STXBP5L: variants seen among roughly 807,000 people sequenced by gnomAD.
STXBP5L encodes syntaxin-binding protein 5-like.
In STXBP5L, 65 loss-of-function variants were observed where a neutral mutation model predicts 144.5. That is an observed-to-expected ratio of 0.45 (90% CI 0.37 to 0.55). STXBP5L has a LOEUF of 0.55. Ranked by LOEUF, STXBP5L falls within the 20% of genes least tolerant of loss-of-function variation. The probability of loss-of-function intolerance (pLI) is 0.00; values close to 1 mark genes in which losing one functional copy is unlikely to be tolerated. For missense variants in STXBP5L, 1,298 were observed against 1,405.5 expected, an observed-to-expected ratio of 0.92 and a Z score of 1.22; for synonymous variants, 505 against 469.6, an observed-to-expected ratio of 1.08 and a Z score of -0.97.
rs575102875 is a variant in STXBP5L, at chr3:121,114,875, T to C, written c.471-50T>C. 2.1e-5 allele frequency: 28 copies of C among 1,313,130 alleles called. No individual in the cohort carries two copies. In the African/African-American group the frequency reaches 2.7e-4, roughly 13 times the overall value. The allele number at this position is 1,313,130 out of a possible 1,614,324, so 81.3% of individuals were successfully genotyped here. A position where few individuals can be genotyped will look rare whatever the true frequency, so the allele number is the denominator to read the frequency against. On this transcript the variant is annotated intron_variant, in intron 5 of 26. Coordinates refer to ENST00000471454, the MANE Select transcript of STXBP5L (RefSeq NM_001308330.2). ...AATACATGTAAGGAAAATATAATGC[T>C]GACCAAATGTAAAATTTAGATATTT...
At chr3:121,220,297 T>C (rs1446143535) in intron 10 of STXBP5L, among the ~76,000 whole-genome samples, 1 of 152,154 alleles carries the variant, frequency 6.6e-6, no homozygotes, top group Admixed American at 6.6e-5. Context: ...TATGTATCCA[T>C]AATTTGTTAT....
At chr3:121,114,850 A>G (rs1483507478) in intron 5 of STXBP5L, 75 bp from the exon 6 acceptor site, 14 of 1,036,066 alleles carry the variant, frequency 1.4e-5, no homozygotes, top group African/African-American at 1.7e-5. Flanking sequence ...ATCACTACAT[A>G]ATACATGTAA....
At chr3:121,011,340 T>C (rs888374741) in intron 3 of STXBP5L, among the ~76,000 whole-genome samples, 5 of 151,576 alleles carry the variant, frequency 3.3e-5, no homozygotes, top group South Asian at 2.1e-4. Context: ...CAGTATGGTC[T>C]CCTGGTTGTT....
chr3:121,039,220 AT>A (rs1347198144), intron 3 of STXBP5L, among the ~76,000 whole-genome samples: 4 of 151,684 alleles, frequency 2.6e-5, no homozygotes, highest in Non-Finnish European at 5.9e-5. Flanking sequence ...CTTTTTAATG[AT>A]TTCATTTTGT....
At chr3:121,093,401 C>T (rs1392307652) in intron 5 of STXBP5L, among the ~76,000 whole-genome samples, 3 of 152,122 alleles carry the variant, frequency 2.0e-5, no homozygotes, top group Non-Finnish European at 4.4e-5. Context: ...CCATCTGGTC[C>T]TGGACTCTTT....
chr3:121,054,292 G>C (rs563220400), intron 5 of STXBP5L, among the ~76,000 whole-genome samples: 15 of 152,058 alleles, frequency 9.9e-5, no homozygotes, highest in Non-Finnish European at 1.8e-4. Context: ...ACATGTGCAC[G>C]AATGTTTATT....
intron 2 of STXBP5L, among the ~76,000 whole-genome samples, chr3:120,953,615 G>A (rs532908411): frequency 4.6e-5 from 7 of 150,986 alleles, no homozygotes; most frequent in African/African-American, 1.5e-4. Context: ...TGATATTACA[G>A]ACATGGGCCA....
chr3:120,961,286 T>C (rs1439994093), intron 3 of STXBP5L, among the ~76,000 whole-genome samples: 1 of 151,012 alleles, frequency 6.6e-6, no homozygotes, highest in Non-Finnish European at 1.5e-5. Context: ...TTTTTTTTTT[T>C]AATTATACTT....
intron 7 of STXBP5L, among the ~76,000 whole-genome samples, chr3:121,135,648 C>A (rs145057396): frequency 6.6e-6 from 1 of 152,104 alleles, no homozygotes; most frequent in Non-Finnish European, 1.5e-5. Flanking sequence ...TGACAGGAGG[C>A]GGAGCTCTGG....
chr3:120,932,836 G>A (rs931707933), intron 2 of STXBP5L, among the ~76,000 whole-genome samples: 2 of 152,028 alleles, frequency 1.3e-5, no homozygotes, highest in Non-Finnish European at 2.9e-5. Context: ...AGAAAATGTG[G>A]CACATATACA....
chr3:121,326,287 C>T (rs939467850), intron 20 of STXBP5L, among the ~76,000 whole-genome samples: 12 of 151,968 alleles, frequency 7.9e-5, no homozygotes, highest in African/African-American at 2.9e-4. Flanking sequence ...AAAATTGCAA[C>T]AAAATTAGAG....
intron 11 of STXBP5L, among the ~76,000 whole-genome samples, chr3:121,232,750 G>A (rs1284809731): frequency 6.6e-6 from 1 of 152,144 alleles, no homozygotes; most frequent in Non-Finnish European, 1.5e-5. Flanking sequence ...TGAGTGAACT[G>A]GCAAGGAGAC....
intron 2 of STXBP5L, among the ~76,000 whole-genome samples, chr3:120,950,106 T>G (rs554430349): frequency 6.6e-6 from 1 of 152,194 alleles, no homozygotes; most frequent in African/African-American, 2.4e-5. Context: ...TTGAAGTCAC[T>G]AAGATTTAAA....
At chr3:121,130,861 GAT>G (rs915432305) in intron 7 of STXBP5L, among the ~76,000 whole-genome samples, 1 of 151,406 alleles carries the variant, frequency 6.6e-6, no homozygotes, top group African/African-American at 2.4e-5. Context: ...TCAAAATAGT[GAT>G]ATATATATCA....
intron 3 of STXBP5L, among the ~76,000 whole-genome samples, chr3:120,985,764 T>C (rs623175): frequency 0.21 from 32,377 of 151,834 alleles, 3,678 homozygotes; most frequent in Non-Finnish European, 0.26. Flanking sequence ...TGAGTAGTAA[T>C]ATTCCATTTT....
intron 19 of STXBP5L, among the ~76,000 whole-genome samples, chr3:121,285,878 T>C (rs1037720983): frequency 2.0e-5 from 3 of 152,086 alleles, no homozygotes; most frequent in African/African-American, 7.2e-5. Context: ...CTATAAATGT[T>C]AGTTATTATA....
intron 19 of STXBP5L, among the ~76,000 whole-genome samples, chr3:121,305,301 T>C (rs978649041): frequency 6.6e-6 from 1 of 152,140 alleles, no homozygotes; most frequent in Non-Finnish European, 1.5e-5. Context: ...AGGAAATCTT[T>C]CCAACTGTTT....
At chr3:121,070,998 A>T (rs578079791) in intron 5 of STXBP5L, among the ~76,000 whole-genome samples, 2 of 152,340 alleles carry the variant, frequency 1.3e-5, no homozygotes, top group East Asian at 3.9e-4. Context: ...TAGTCTAGTT[A>T]TAGACACAAG....
intron 9 of STXBP5L, among the ~76,000 whole-genome samples, chr3:121,187,142 T>A (rs1386861662): frequency 2.6e-5 from 4 of 152,056 alleles, no homozygotes; most frequent in African/African-American, 7.2e-5. Context: ...CTATTCACAA[T>A]AGCAAAGACT....
Sources: allele counts gnomAD v4.1 joint callset (sites outside exome capture counted in the v4.1 genomes callset), GRCh38; gene constraint gnomAD v4.1.1; transcripts MANE v1.5; gene names NCBI Gene and HGNC (gene_info 2026-07-23, HGNC 2026-07-21).